The following BIRC3 variants were observed in gnomAD, a reference collection of about 807,000 sequenced individuals.
The protein encoded by BIRC3 is baculoviral IAP repeat containing 3.
In BIRC3, 26 loss-of-function variants were observed where a neutral mutation model predicts 59.0. The ratio of observed to expected loss-of-function variants is 0.44; its 90% confidence interval spans 0.32 to 0.61. BIRC3 has a LOEUF of 0.61. Ranked by LOEUF, BIRC3 falls within the 20% of genes least tolerant of loss-of-function variation. The probability of loss-of-function intolerance (pLI) is 0.04; values close to 1 mark genes in which losing one functional copy is unlikely to be tolerated. For missense variants in BIRC3, 641 were observed against 711.5 expected, an observed-to-expected ratio of 0.90 and a Z score of 1.13; for synonymous variants, 243 against 249.2, an observed-to-expected ratio of 0.98 and a Z score of 0.24.
rs561940475 is a variant in BIRC3 at position 102,319,612 on chromosome 11, T to C, written c.-2674+2041T>C. ...GGTTCCTGCTCAATGATGTCTCTTT[T>C]CTTTGAGAAACAGAAGGCAAAGTAA... On this transcript the variant is annotated intron_variant, in intron 1 of 8. Coordinates refer to ENST00000263464, the MANE Select transcript of BIRC3 (RefSeq NM_001165.5). Among the ~76,000 whole-genome samples the C allele has an allele frequency of 2.0e-5, 3 of 152,334 alleles. No individual in the cohort carries two copies. The East Asian group carries it at 5.8e-4, about 29-fold the overall frequency.
chr11:102,327,975 A>T, intron 3 of BIRC3, 77 bp from the exon 4 acceptor site: 1 of 1,137,386 alleles, frequency 8.8e-7, no homozygotes, highest in East Asian at 2.6e-5. Context: ...ACACCTAGAG[A>T]TGAGAAATTT....
At chr11:102,335,789 T>C (rs1951189257) in intron 6 of BIRC3, among the ~76,000 whole-genome samples, 177 bp from the exon 7 acceptor site, 1 of 152,126 alleles carries the variant, frequency 6.6e-6, no homozygotes, top group African/African-American at 2.4e-5. Flanking sequence ...GGATTATAAT[T>C]ATAATAACAT....
In BIRC3 at chr11:102,324,687, G is replaced by A. The variant is rs370995428; in HGVS notation, c.178G>A (p.Val60Met). The change falls in exon 2 of 9, where the codon GTG (valine) becomes ATG (methionine). Residue 60 changes from valine to methionine, a missense_variant. Val to Met is a conservative substitution (Grantham distance 21, BLOSUM62 1). This residue lies in a region of BIRC3 where 329 missense variants were observed against 365.6 expected (regional missense o/e 0.90). Transcript: ENST00000263464. ...TCGTGCTGGTTTCTATTACACTGGT[G>A]TGAATGACAAGGTCAAATGCTTCTG... ...LARAGFYYTG[V>M]NDKVKCFCCG... 44 of 1,614,178 alleles carry A rather than the reference G, an allele frequency of 2.7e-5. No individual in the cohort carries two copies. The African/African-American group carries it at 2.9e-4, about 11-fold the overall frequency.
intron 6 of BIRC3, among the ~76,000 whole-genome samples, chr11:102,334,504 A>AT (rs535342238): frequency 9.6e-4 from 145 of 151,510 alleles, no homozygotes; most frequent in African/African-American, 3.4e-3. Flanking sequence ...TCTTTTTTCC[A>AT]TTTTTTATTC....
At chr11:102,335,362 AT>A (rs1483837094) in intron 6 of BIRC3, among the ~76,000 whole-genome samples, 1 of 152,226 alleles carries the variant, frequency 6.6e-6, no homozygotes, top group African/African-American at 2.4e-5. Context: ...TGAAACGTCA[AT>A]TTTAATGGGT....
At chr11:102,331,844 T>C (rs1951145379) in intron 6 of BIRC3, among the ~76,000 whole-genome samples, 1 of 152,164 alleles carries the variant, frequency 6.6e-6, no homozygotes, top group African/African-American at 2.4e-5. Flanking sequence ...TTTCTCCATG[T>C]TGGCCACACT....
At chr11:102,328,575 G>T (rs1951107231) in intron 4 of BIRC3, among the ~76,000 whole-genome samples, 1 of 152,096 alleles carries the variant, frequency 6.6e-6, no homozygotes, top group African/African-American at 2.4e-5. Context: ...GATGACCCAG[G>T]GTAGGTAAGA....
intron 5 of BIRC3, among the ~76,000 whole-genome samples, chr11:102,330,660 A>T (rs1217876238): frequency 6.6e-6 from 1 of 151,784 alleles, no homozygotes; most frequent in African/African-American, 2.4e-5. Context: ...TTGATTGAAA[A>T]CTCATTTGTT....
chr11:102,333,602 A>G (rs1462235713), intron 6 of BIRC3, among the ~76,000 whole-genome samples: 3 of 151,770 alleles, frequency 2.0e-5, no homozygotes, highest in Non-Finnish European at 4.4e-5. Flanking sequence ...AGAAAAGCAA[A>G]AACAAAATTA....
chr11:102,335,960 A>G lies in BIRC3; in HGVS notation c.1325-6A>G. ...CATGTTTATGCTTGTTTTCTTTTTT[A>G]TAAAGATGATTTATTATTAATCCGG... On this transcript the variant is annotated splice_region_variant and splice_polypyrimidine_tract_variant and intron_variant, in intron 6 of 8. Transcript: ENST00000263464. 1.3e-6 allele frequency: 2 copies of G among 1,598,944 alleles called. No homozygotes were observed. Among genetic ancestry groups the G allele is most frequent in the Non-Finnish European group, 1.7e-6 (2 of 1,173,984 alleles).
At position 102,325,307 on chromosome 11, in the gene BIRC3, C is replaced by G; in HGVS notation, c.798C>G (p.Pro266=). Residue 266 remains proline (P), a synonymous_variant, in exon 2 of 9, where the codon CCC becomes CCG. Transcript: ENST00000263464. ...GCTTTAAAACATTCTTTAACTGGCCCTCTAGTGTTCTAGTTAATCCTGAGC... is the reference window on the plus strand; with the variant it reads ...GCTTTAAAACATTCTTTAACTGGCCGTCTAGTGTTCTAGTTAATCCTGAGC... ...AARFKTFFNW[P]SSVLVNPEQL... 2 of 1,613,854 alleles carry G rather than the reference C, an allele frequency of 1.2e-6. No homozygotes were observed. Among genetic ancestry groups the G allele is most frequent in the South Asian group, 1.1e-5 (1 of 91,028 alleles).
In BIRC3 at chr11:102,326,953, G is replaced by T. The variant is rs987722555; in HGVS notation, c.954-1099G>T. ...AAACTCCTGACCTCAGGACTTTGAG[G>T]TGCTTGCCCGGCCAACATCAGTGTG... On this transcript the variant is annotated intron_variant, in intron 3 of 8. Coordinates refer to ENST00000263464, the MANE Select transcript of BIRC3 (RefSeq NM_001165.5). 20 of 349,042 alleles carry T rather than the reference G, an allele frequency of 5.7e-5. No individual in the cohort carries two copies. The East Asian group carries it at 1.6e-3, about 28-fold the overall frequency. The allele number at this position is 349,042 out of a possible 1,614,324, so 21.6% of individuals were successfully genotyped here. A position where few individuals can be genotyped will look rare whatever the true frequency, so the allele number is the denominator to read the frequency against.
chr11:102,336,901 C>T lies in BIRC3; in HGVS notation c.1622-8C>T. The T allele has an allele frequency of 6.3e-7, 1 of 1,592,832 alleles. No homozygotes were observed. The highest frequency in any genetic ancestry group is 8.5e-7 in the Non-Finnish European group (1 of 1,175,332). On this transcript the variant is annotated splice_region_variant and splice_polypyrimidine_tract_variant and intron_variant, in intron 8 of 8. Transcript: ENST00000263464. ...TGCCTTTTATTAAAAATTCTTTCCT[C>T]TTTCTAGATCTACCAGTGGAAGAAC...
Position 102,338,065 on chromosome 11 carries a change from C to T in BIRC3, c.*963C>T, listed in dbSNP as rs1464158624. 7.0e-5 allele frequency: 16 copies of T among 227,438 alleles called. No individual in the cohort carries two copies. The highest frequency in any genetic ancestry group is 1.2e-4 in the Non-Finnish European group (14 of 114,538). The allele number at this position is 227,438 out of a possible 1,614,324, so 14.1% of individuals were successfully genotyped here. A position where few individuals can be genotyped will look rare whatever the true frequency, so the allele number is the denominator to read the frequency against. Reference sequence around the variant, plus strand: ...TATTAATTCTGAAACTTAGAAAGTACACTGGTTAGCAATGCTTGGGACCAA... The same window carrying T: ...TATTAATTCTGAAACTTAGAAAGTATACTGGTTAGCAATGCTTGGGACCAA... On this transcript the variant is annotated 3_prime_UTR_variant, in exon 9 of 9. Coordinates refer to ENST00000263464, the MANE Select transcript of BIRC3 (RefSeq NM_001165.5).
At chr11:102,318,267 A>G (rs2135779685) in intron 1 of BIRC3, among the ~76,000 whole-genome samples, 1 of 152,326 alleles carries the variant, frequency 6.6e-6, no homozygotes, top group Non-Finnish European at 1.5e-5. Flanking sequence ...CAATGAGGAA[A>G]CTGAGGCTCT....
In BIRC3 at chr11:102,336,101, A is replaced by C. The variant is rs762144986; in HGVS notation, c.1460A>C (p.Gln487Pro). 6.2e-7 allele frequency: 1 copy of C among 1,613,940 alleles called. No homozygotes were observed. The highest frequency in any genetic ancestry group is 2.2e-5 in the East Asian group (1 of 44,838). Residue 487 changes from glutamine (Q) to proline (P), a missense_variant, in exon 7 of 9, where the codon CAG becomes CCG. Around this residue, in one of 4 missense-constraint regions of BIRC3, gnomAD observed 268 missense variants for 255.7 expected, o/e 1.05. Coordinates refer to ENST00000263464, the MANE Select transcript of BIRC3 (RefSeq NM_001165.5). ...QEHDVIKQKTQTSLQARELID... is the reference protein window; with the variant it reads ...QEHDVIKQKTPTSLQARELID... ...CATGATGTTATTAAACAGAAGACAC[A>C]GACGTCTTTACAAGCAAGAGAACTG... is the stretch of plus-strand genomic sequence containing the variant.
intron 1 of BIRC3, among the ~76,000 whole-genome samples, chr11:102,318,637 A>G (rs1950998570): frequency 6.6e-6 from 1 of 152,228 alleles, no homozygotes; most frequent in Admixed American, 6.5e-5. Flanking sequence ...CTGCATGCCC[A>G]AAGGGTAGGG....
At chr11:102,333,432 C>T (rs1305651627) in intron 6 of BIRC3, among the ~76,000 whole-genome samples, 2 of 151,802 alleles carry the variant, frequency 1.3e-5, no homozygotes, top group Non-Finnish European at 2.9e-5. Flanking sequence ...GGTGTGGTGG[C>T]ATGTGTCTGT....
In BIRC3 at chr11:102,328,883, T is replaced by A. The variant is rs893468482; in HGVS notation, c.1033-14T>A. The A allele has an allele frequency of 9.2e-7, 1 of 1,084,408 alleles. No individual in the cohort carries two copies. Among genetic ancestry groups the A allele is most frequent in the Admixed American group, 3.3e-5 (1 of 29,962 alleles). 67.2% of individuals were successfully genotyped at this position (1,084,408 alleles called of 1,614,324 possible). On this transcript the variant is annotated splice_polypyrimidine_tract_variant and intron_variant, in intron 4 of 8. Coordinates refer to ENST00000263464, the MANE Select transcript of BIRC3 (RefSeq NM_001165.5). Reference sequence around the variant, plus strand: ...TTATATATATATATATATATATATTTTTTTTTTCTGCAGCTGCTATCCACA... The same window carrying A: ...TTATATATATATATATATATATATTATTTTTTTCTGCAGCTGCTATCCACA...
Sources: allele counts gnomAD v4.1 joint callset (sites outside exome capture counted in the v4.1 genomes callset), GRCh38; gene constraint gnomAD v4.1.1; regional missense constraint gnomAD v4.1.1; transcripts MANE v1.5; gene names NCBI Gene and HGNC (gene_info 2026-07-23, HGNC 2026-07-21).